Variants in TEX36 observed in about 807,000 individuals in gnomAD.
The protein encoded by TEX36 is testis-expressed protein 36.
A neutral mutation model predicts 13.6 loss-of-function variants in TEX36; 12 were observed. The ratio of observed to expected loss-of-function variants is 0.88; its 90% CI spans 0.56 to 1.43. TEX36 has a LOEUF of 1.43. Ranked by LOEUF, TEX36 falls within the 40% of genes most tolerant of loss-of-function variation. TEX36 has a pLI of 0.00. For synonymous variants in TEX36, 93 were observed against 83.0 expected (o/e 1.12, Z -0.65); for missense variants, 224 against 228.3 (o/e 0.98, Z 0.12).
downstream of TEX36, among the ~76,000 whole-genome samples, chr10:125,616,708 T>C (rs1397169576): frequency 8.3e-6 from 1 of 120,760 alleles, no homozygotes; most frequent in Non-Finnish European, 1.7e-5. Flanking sequence ...CTTCCAAGTA[T>C]GTGGTCAATT....
chr10:125,638,488 G>A (rs1846646378), intron 3 of TEX36, among the ~76,000 whole-genome samples: 1 of 152,104 alleles, frequency 6.6e-6, no homozygotes, highest in African/African-American at 2.4e-5. Context: ...CCCCCAGAAG[G>A]AAAACCAGCC....
chr10:125,634,208 G>C (rs911135021), intron 3 of TEX36, among the ~76,000 whole-genome samples: 1 of 152,104 alleles, frequency 6.6e-6, no homozygotes, highest in Non-Finnish European at 1.5e-5. Context: ...CATAGTGCTT[G>C]AGTGATTGGG....
At position 125,610,975 on chromosome 10, in the gene TEX36, G is replaced by A. The variant is rs114420469; in HGVS notation, c.265-34101C>T. Among the ~76,000 whole-genome samples, 1,122 of 152,194 alleles carry A rather than the reference G, an allele frequency of 7.4e-3. 16 individuals carry two copies. The highest frequency in any genetic ancestry group is 0.026 in the African/African-American group (1,060 of 41,518). On this transcript the variant is annotated intron_variant, in intron 3 of 3. Coordinates refer to the TEX36 transcript ENST00000532135. The stretch of plus-strand genomic sequence containing the variant: ...GTCATAGGTGCTATCTTACGTTTCC[G>A]TGGATGTGTGGTTCTGGCCTCCCTA...
In TEX36 at chr10:125,683,136, G is replaced by T; in HGVS notation, c.-147C>A. 1.1e-6 allele frequency: 1 copy of T among 924,712 alleles called. No homozygotes were observed. Among genetic ancestry groups the T allele is most frequent in the Non-Finnish European group, 1.7e-6 (1 of 590,682 alleles). The allele number at this position is 924,712 out of a possible 1,614,324, so 57.3% of individuals were successfully genotyped here. A position where few individuals can be genotyped will look rare whatever the true frequency, so the allele number is the denominator to read the frequency against. On this transcript the variant is annotated 5_prime_UTR_variant, in exon 1 of 4. The change creates a new upstream start codon in the 5' untranslated region. Coordinates refer to ENST00000368821, the MANE Select transcript of TEX36 (RefSeq NM_001128202.3). ...CCTTGTTCCTGATCTTTACTTCTCA[G>T]CCTCTTCCAGGAGGGGAAGGTGCGG...
chr10:125,585,521 C>G (rs1270353243), intron 3 of TEX36, among the ~76,000 whole-genome samples: 1 of 152,176 alleles, frequency 6.6e-6, no homozygotes, highest in Non-Finnish European at 1.5e-5. Context: ...GAAACTAGAA[C>G]TCCTCTACCC....
At chr10:125,645,330 T>G (rs1259665525) in intron 3 of TEX36, among the ~76,000 whole-genome samples, 1 of 152,216 alleles carries the variant, frequency 6.6e-6, no homozygotes, top group Admixed American at 6.5e-5. Flanking sequence ...GCTCTGTTCT[T>G]ATGAATGGAT....
downstream of TEX36, among the ~76,000 whole-genome samples, chr10:125,651,325 T>A (rs1846852372): frequency 6.6e-6 from 1 of 152,214 alleles, no homozygotes; most frequent in Non-Finnish European, 1.5e-5. Flanking sequence ...ATCCCTGGGA[T>A]GCAAGGCTGG....
At chr10:125,627,753 T>C (rs144454858) in intron 3 of TEX36, among the ~76,000 whole-genome samples, 110 of 152,316 alleles carry the variant, frequency 7.2e-4, no homozygotes, top group African/African-American at 2.6e-3. Context: ...TTGAGAAACA[T>C]CCAGGTCTGC....
intron 3 of TEX36, among the ~76,000 whole-genome samples, chr10:125,580,516 GA>G (rs1845870103): frequency 6.6e-6 from 1 of 152,162 alleles, no homozygotes. Flanking sequence ...GGGGAGGAAA[GA>G]AACTTTTGAG....
intron 3 of TEX36, among the ~76,000 whole-genome samples, chr10:125,624,803 A>G (rs1010567825): frequency 6.6e-6 from 1 of 152,088 alleles, no homozygotes; most frequent in Non-Finnish European, 1.5e-5. Context: ...TCGGGGGCAG[A>G]TCCCAGGGAA....
chr10:125,681,571 T>C (rs993943716), intron 1 of TEX36, among the ~76,000 whole-genome samples: 1 of 152,226 alleles, frequency 6.6e-6, no homozygotes, highest in Non-Finnish European at 1.5e-5. Flanking sequence ...TAATATTATG[T>C]CTATGTTATA....
chr10:125,679,496 ACT>A (rs1847362701), intron 1 of TEX36, among the ~76,000 whole-genome samples: 1 of 151,680 alleles, frequency 6.6e-6, no homozygotes, highest in Admixed American at 6.6e-5. Flanking sequence ...TTTCCGGGAG[ACT>A]CTCTCTGTTA....
chr10:125,677,429 T>C (rs113742041), intron 1 of TEX36, among the ~76,000 whole-genome samples: 9,358 of 152,290 alleles, frequency 0.061, 433 homozygotes, highest in Non-Finnish European at 0.1. Flanking sequence ...TCTGACTGGA[T>C]TATTTCAAAA....
chr10:125,646,116 C>G (rs1846763557), intron 3 of TEX36, among the ~76,000 whole-genome samples: 1 of 152,106 alleles, frequency 6.6e-6, no homozygotes, highest in Non-Finnish European at 1.5e-5. Flanking sequence ...ATCACTTGAG[C>G]TCAGGAGTTT....
chr10:125,612,624 T>C (rs930559458), intron 3 of TEX36, among the ~76,000 whole-genome samples: 10 of 152,344 alleles, frequency 6.6e-5, no homozygotes, highest in Admixed American at 3.9e-4. Context: ...CCTTGGTTCA[T>C]TGGGCAACTG....
chr10:125,580,036 C>T (rs187042753), intron 3 of TEX36, among the ~76,000 whole-genome samples: 44 of 152,280 alleles, frequency 2.9e-4, no homozygotes, highest in African/African-American at 9.1e-4. Flanking sequence ...CTGTTGGGTA[C>T]TTAATAAATA....
rs551088987 is a variant in TEX36, at chr10:125,590,979, C to T, written c.265-14105G>A. 3.3e-5 allele frequency among the ~76,000 whole-genome samples: 5 copies of T among 152,168 alleles called. No individual in the cohort carries two copies. The South Asian group carries it at 1.0e-3, about 32-fold the overall frequency. On this transcript the variant is annotated intron_variant, in intron 3 of 3. Transcript: ENST00000532135. Reference sequence around the variant, plus strand: ...TGTTCGTGGGATATATTTTTTTCCCCACATGTGGCCCAAAGGTGAATCGTC... The same window carrying T: ...TGTTCGTGGGATATATTTTTTTCCCTACATGTGGCCCAAAGGTGAATCGTC...
chr10:125,586,998 T>C (rs1845961896), intron 3 of TEX36, among the ~76,000 whole-genome samples: 1 of 152,094 alleles, frequency 6.6e-6, no homozygotes, highest in South Asian at 2.1e-4. Context: ...TTTAAAAGTG[T>C]GTAGTGTCTC....
In TEX36 at chr10:125,632,735, T is replaced by C. The variant is rs142110603; in HGVS notation, c.265-11090A>G. ...AGTATGGGCTGGGGTGGGCCAAAAC[T>C]AGTTCCGTCCGCTTTTCTGCAGGAT... On this transcript the variant is annotated intron_variant, in intron 3 of 3. Transcript: ENST00000526819. Among the ~76,000 whole-genome samples, 50 of 152,238 alleles carry C rather than the reference T, an allele frequency of 3.3e-4. No individual in the cohort carries two copies. The East Asian group carries it at 8.5e-3, about 26-fold the overall frequency.
Sources: gnomAD v4.1 joint callset for allele counts (sites outside exome capture counted in the v4.1 genomes callset) on GRCh38, gnomAD v4.1.1 for gene constraint, MANE v1.5 for transcripts, NCBI Gene and HGNC (gene_info 2026-07-23, HGNC 2026-07-21) for gene names.